Variants in ADAMTS18 observed in about 807,000 individuals in gnomAD.
ADAMTS18 encodes the protein ADAM metallopeptidase with thrombospondin type 1 motif 18.
A neutral mutation model predicts 165.9 loss-of-function variants in ADAMTS18; 157 were observed. The ratio of observed to expected loss-of-function variants is 0.95; its 90% CI spans 0.83 to 1.08. The LOEUF is 1.08. ADAMTS18 is among the 50% of genes least tolerant of loss of function. The probability of loss-of-function intolerance (pLI) is 0.00; values close to 1 mark genes in which losing one functional copy is unlikely to be tolerated. For synonymous variants in ADAMTS18, 782 were observed against 578.2 expected, an observed-to-expected ratio of 1.35 and a Z score of -5.06; for missense variants, 2,040 against 1,534.0, an observed-to-expected ratio of 1.33 and a Z score of -5.51.
At chr16:77,380,106 A>G (rs1301882013) in intron 3 of ADAMTS18, among the ~76,000 whole-genome samples, 1 of 152,174 alleles carries the variant, frequency 6.6e-6, no homozygotes, top group Non-Finnish European at 1.5e-5. Flanking sequence ...ATGTTCAGCT[A>G]CTTCAAATAC....
At chr16:77,421,750 G>T (rs909970862) in intron 3 of ADAMTS18, among the ~76,000 whole-genome samples, 1 of 152,084 alleles carries the variant, frequency 6.6e-6, no homozygotes. Context: ...CACAAAGTAG[G>T]TCTCTCTCTC....
At chr16:77,342,236 A>G (rs1028061242) in intron 10 of ADAMTS18, among the ~76,000 whole-genome samples, 1 of 152,180 alleles carries the variant, frequency 6.6e-6, no homozygotes, top group African/African-American at 2.4e-5. Context: ...TCTCACCTGT[A>G]CAATAGCGAT....
At chr16:77,429,198 A>G (rs953657788) in intron 3 of ADAMTS18, among the ~76,000 whole-genome samples, 2 of 152,336 alleles carry the variant, frequency 1.3e-5, no homozygotes, top group South Asian at 2.1e-4. Flanking sequence ...ATGCCCATCA[A>G]TGACAGAGTG....
rs529043605 is a variant in ADAMTS18 at position 77,428,419 on chromosome 16, T to C, written c.495+2876A>G. Among the ~76,000 whole-genome samples the C allele has an allele frequency of 8.1e-4, 124 of 152,248 alleles. 2 individuals are homozygous for C. Among genetic ancestry groups the C allele is most frequent in the African/African-American group, 2.8e-3 (118 of 41,542 alleles). On this transcript the variant is annotated intron_variant, in intron 3 of 22. Transcript: ENST00000282849. ...GTCTAAGAAAATGTAAACAAAAAAG[T>C]GCTTTCAATTTCATTAACCATCAGA... is the stretch of plus-strand genomic sequence containing the variant.
intron 3 of ADAMTS18, among the ~76,000 whole-genome samples, chr16:77,414,400 A>G (rs527699353): frequency 6.6e-6 from 1 of 152,334 alleles, no homozygotes; most frequent in Non-Finnish European, 1.5e-5. Context: ...TGGACTCTGA[A>G]GACTCATGTG....
intron 11 of ADAMTS18, among the ~76,000 whole-genome samples, chr16:77,340,012 G>C (rs888051130): frequency 6.6e-6 from 1 of 152,104 alleles, no homozygotes; most frequent in Admixed American, 6.5e-5. Flanking sequence ...CTTGATGCAT[G>C]TACTTGTTGT....
At chr16:77,379,780 C>T (rs993764403) in intron 3 of ADAMTS18, among the ~76,000 whole-genome samples, 10 of 152,106 alleles carry the variant, frequency 6.6e-5, no homozygotes, top group African/African-American at 1.7e-4. Context: ...TGTAAGCCAC[C>T]GTGTCTGCCC....
chr16:77,382,607 G>A (rs1449329053), intron 3 of ADAMTS18, among the ~76,000 whole-genome samples: 1 of 152,208 alleles, frequency 6.6e-6, no homozygotes, highest in African/African-American at 2.4e-5. Context: ...ATGAAAGAAA[G>A]CTGTTTGACA....
chr16:77,310,959 G>C (rs2144615908), intron 16 of ADAMTS18, among the ~76,000 whole-genome samples: 2 of 152,246 alleles, frequency 1.3e-5, no homozygotes, highest in East Asian at 3.9e-4. Context: ...GACACTGAAT[G>C]TTTTTTAAAC....
intron 12 of ADAMTS18, among the ~76,000 whole-genome samples, chr16:77,330,623 A>T (rs1202453653): frequency 6.6e-6 from 1 of 152,178 alleles, no homozygotes; most frequent in African/African-American, 2.4e-5. Context: ...GCTCAATGAA[A>T]AACAGGGCTT....
Position 77,341,799 on chromosome 16 carries a change from C to T in ADAMTS18, c.1615G>A (p.Asp539Asn), listed in dbSNP as rs1199058022. Residue 539 changes from aspartate to asparagine, a missense_variant and splice_region_variant, in exon 11 of 23, where the codon GAT (aspartate) becomes AAT (asparagine). Coordinates refer to ENST00000282849, the MANE Select transcript of ADAMTS18 (RefSeq NM_199355.4). ...TGGCACCAAAGTGATTTGCAAATATCCTGAAATAAAAAAAAAGGGGGGTGC... is the reference window on the plus strand; with the variant it reads ...TGGCACCAAAGTGATTTGCAAATATTCTGAAATAAAAAAAAAGGGGGGTGC... ...AKLCSLGFVK[D>N]ICKSLWCHRV... 2 of 1,606,912 alleles carry T rather than the reference C, an allele frequency of 1.2e-6. No homozygotes were observed. The highest frequency in any genetic ancestry group is 1.7e-6 in the Non-Finnish European group (2 of 1,176,704).
chr16:77,421,435 G>C (rs2057601537), intron 3 of ADAMTS18, among the ~76,000 whole-genome samples: 1 of 152,238 alleles, frequency 6.6e-6, no homozygotes. Context: ...GAAAGCCTTA[G>C]TGCTATCATT....
At chr16:77,400,946 T>C (rs768293821) in intron 3 of ADAMTS18, among the ~76,000 whole-genome samples, 2 of 152,016 alleles carry the variant, frequency 1.3e-5, no homozygotes, top group Non-Finnish European at 2.9e-5. Flanking sequence ...AATTCTTATC[T>C]CAGGCTCTAT....
chr16:77,356,991 T>A (rs1037601076), intron 8 of ADAMTS18, among the ~76,000 whole-genome samples: 5 of 47,798 alleles, frequency 1.0e-4, no homozygotes, highest in South Asian at 6.2e-4. Flanking sequence ...TGAAATTTTT[T>A]TTTTTTTTTT....
chr16:77,341,600 ATATAAAC>A (rs1363195388), intron 11 of ADAMTS18, 97 bp downstream of exon 11: 27 of 918,114 alleles, frequency 2.9e-5, no homozygotes, highest in Admixed American at 6.0e-5. Context: ...AAGTCAGAGA[ATATAAAC>A]TACCAAAGCA....
intron 3 of ADAMTS18, among the ~76,000 whole-genome samples, chr16:77,394,869 C>G (rs2057236356): frequency 6.6e-6 from 1 of 152,340 alleles, no homozygotes. Flanking sequence ...GGTGAGCCAA[C>G]TGGGCCATCC....
At chr16:77,340,194 TGA>T (rs917751256) in intron 11 of ADAMTS18, among the ~76,000 whole-genome samples, 18 of 152,322 alleles carry the variant, frequency 1.2e-4, no homozygotes, top group Non-Finnish European at 2.2e-4. Flanking sequence ...AATTTATTTT[TGA>T]GAGAGTCTTG....
At chr16:77,349,846 T>C (rs2056530436) in intron 10 of ADAMTS18, among the ~76,000 whole-genome samples, 1 of 152,146 alleles carries the variant, frequency 6.6e-6, no homozygotes, top group South Asian at 2.1e-4. Flanking sequence ...CTGAGAACAT[T>C]CACAAGAATT....
chr16:77,291,977 A>T (rs897498360), intron 20 of ADAMTS18, among the ~76,000 whole-genome samples: 6 of 152,212 alleles, frequency 3.9e-5, no homozygotes, highest in African/African-American at 1.4e-4. Flanking sequence ...CACAGGAGGT[A>T]ACATGATGAG....
Sources: allele counts gnomAD v4.1 joint callset (sites outside exome capture counted in the v4.1 genomes callset), GRCh38; gene constraint gnomAD v4.1.1; transcripts MANE v1.5; gene names NCBI Gene and HGNC (gene_info 2026-07-23, HGNC 2026-07-21).